The following CHD6 variants were observed in gnomAD, a reference collection of about 807,000 sequenced individuals.
CHD6 encodes the protein chromodomain helicase DNA binding protein 6.
In CHD6, 50 loss-of-function variants were observed where a neutral mutation model predicts 276.9. The ratio of observed to expected loss-of-function variants is 0.18; its 90% CI spans 0.14 to 0.23. CHD6 has a LOEUF of 0.23. Among genes scored for constraint, CHD6 ranks in the 10% least tolerant of loss-of-function variants. The probability of loss-of-function intolerance (pLI) is 1.00; values close to 1 mark genes in which losing one functional copy is unlikely to be tolerated. For synonymous variants in CHD6, 1,173 were observed against 1,229.3 expected (o/e 0.95, Z 0.96); for missense variants, 2,564 against 3,365.8 (o/e 0.76, Z 5.89).
At chr20:41,544,767 T>TATA (rs577527887) in intron 2 of CHD6, among the ~76,000 whole-genome samples, 2 of 151,040 alleles carry the variant, frequency 1.3e-5, no homozygotes, top group Non-Finnish European at 1.5e-5. Flanking sequence ...GATACTATAT[T>TATA]ATAATAATCA....
Position 41,421,762 on chromosome 20 carries a change from C to T in CHD6, c.4873G>A (p.Ala1625Thr), listed in dbSNP as rs745379442. The T allele has an allele frequency of 3.7e-6, 6 of 1,614,168 alleles. No individual in the cohort carries two copies. The African/African-American group carries it at 6.7e-5, about 18-fold the overall frequency. The change falls in exon 31 of 37, where the codon GCA becomes ACA. Residue 1625 changes from alanine (A) to threonine (T), a missense_variant. Physicochemically the swap from Ala to Thr is moderately conservative, Grantham distance 58. Transcript: ENST00000373233. ...YAQHKRSGTQAPGNLCCLYQT... is the reference protein window; with the variant it reads ...YAQHKRSGTQTPGNLCCLYQT... ...TAAAGGCAACAGAGATTTCCTGGTGCCTGGGTGCCAGATCTTTTATGCTGG... is the reference window on the plus strand; with the variant it reads ...TAAAGGCAACAGAGATTTCCTGGTGTCTGGGTGCCAGATCTTTTATGCTGG...
Position 41,457,418 on chromosome 20 carries a change from C to T in CHD6, c.2675G>A (p.Arg892Gln). 6.2e-7 allele frequency: 1 copy of T among 1,609,872 alleles called. No homozygotes were observed. Among genetic ancestry groups the T allele is most frequent in the Non-Finnish European group, 8.5e-7 (1 of 1,176,482 alleles). ...TTTGCTCTGGCCTATGCGGTGACATCGGGCCTGAGCCTGGGAAGAAGAAGA... is the reference window on the plus strand; with the variant it reads ...TTTGCTCTGGCCTATGCGGTGACATTGGGCCTGAGCCTGGGAAGAAGAAGA... ...NPQNDLQAQARCHRIGQSKAV... is the reference protein window; with the variant it reads ...NPQNDLQAQAQCHRIGQSKAV... The change falls in exon 18 of 37, where the codon CGA becomes CAA. Residue 892 changes from arginine (R) to glutamine (Q), a missense_variant. Arg to Gln is a conservative substitution (Grantham distance 43, BLOSUM62 1). This residue lies in a region of CHD6 where 457 missense variants were observed against 889.0 expected (regional missense o/e 0.51). Coordinates refer to ENST00000373233, the MANE Select transcript of CHD6 (RefSeq NM_032221.5).
chr20:41,428,162 A>C (rs1055639060), intron 27 of CHD6, among the ~76,000 whole-genome samples: 8 of 152,152 alleles, frequency 5.3e-5, no homozygotes, highest in Non-Finnish European at 1.0e-4. Context: ...TTTAGGCAAA[A>C]CTTTCAAGTA....
intron 26 of CHD6, among the ~76,000 whole-genome samples, chr20:41,438,634 G>A (rs770012734): frequency 5.3e-5 from 8 of 152,028 alleles, no homozygotes; most frequent in African/African-American, 1.4e-4. Flanking sequence ...AAATATTTGC[G>A]TCCCAAATAT....
chr20:41,452,040 A>G lies in CHD6; in HGVS notation c.3324-15T>C. On this transcript the variant is annotated splice_polypyrimidine_tract_variant and intron_variant, in intron 21 of 36. Transcript: ENST00000373233. This position sits in a 1 kb window ranked among gnomAD's most constrained non-coding sequence, Gnocchi z 4.2. ...ACCGGCCCCAGCTGACAGTGGACAT[A>G]CAGACAGGTGTTGGAGGGAGAATGG... 1.2e-6 allele frequency: 2 copies of G among 1,609,600 alleles called. No homozygotes were observed. The highest frequency in any genetic ancestry group is 1.7e-6 in the Non-Finnish European group (2 of 1,176,358).
intron 1 of CHD6, among the ~76,000 whole-genome samples, chr20:41,572,728 G>A (rs6102473): frequency 3.3e-5 from 5 of 151,914 alleles, no homozygotes; most frequent in Non-Finnish European, 7.4e-5. Context: ...GCCCAGGCAA[G>A]CAGGGAACTC....
At chr20:41,512,422 A>T (rs1281118143) in intron 5 of CHD6, among the ~76,000 whole-genome samples, 1 of 151,944 alleles carries the variant, frequency 6.6e-6, no homozygotes, top group African/African-American at 2.4e-5. Flanking sequence ...TTTAGATAAA[A>T]GATCAGGAAG....
chr20:41,532,388 C>A (rs887779266), intron 3 of CHD6, among the ~76,000 whole-genome samples: 2 of 152,200 alleles, frequency 1.3e-5, no homozygotes, highest in Non-Finnish European at 2.9e-5. Flanking sequence ...TCTGTGCATA[C>A]TGACGGCTCT....
chr20:41,470,449 G>A (rs1233101205), intron 17 of CHD6, among the ~76,000 whole-genome samples: 2 of 151,922 alleles, frequency 1.3e-5, no homozygotes, highest in Non-Finnish European at 2.9e-5. Context: ...CTCCCACCCT[G>A]CATCTTCCAC....
At chr20:41,603,986 G>C (rs1445658844) in intron 1 of CHD6, among the ~76,000 whole-genome samples, 1 of 149,854 alleles carries the variant, frequency 6.7e-6, no homozygotes, top group African/African-American at 2.5e-5. Flanking sequence ...ATTCCTGTGT[G>C]CATGTGTGCG....
intron 15 of CHD6, among the ~76,000 whole-genome samples, 165 bp from the exon 16 acceptor site, chr20:41,483,684 G>A (rs2043346677): frequency 6.6e-6 from 1 of 152,130 alleles, no homozygotes; most frequent in Non-Finnish European, 1.5e-5. Context: ...TTCAGCAGAG[G>A]GCTCTGCAGT....
chr20:41,562,111 AC>A (rs371030204), intron 1 of CHD6, among the ~76,000 whole-genome samples: 58 of 151,510 alleles, frequency 3.8e-4, no homozygotes, highest in Admixed American at 6.6e-4. Flanking sequence ...TTACAACAAA[AC>A]AAAAAAAAAA....
Position 41,447,869 on chromosome 20 carries a change from T to C in CHD6, c.3773+13A>G, listed in dbSNP as rs909882. 0.14 allele frequency: 221,573 copies of C among 1,581,976 alleles called. 16,973 individuals are homozygous for C. The highest frequency in any genetic ancestry group is 0.21 in the Admixed American group (12,427 of 57,892). On this transcript the variant is annotated intron_variant, in intron 24 of 36. Coordinates refer to ENST00000373233, the MANE Select transcript of CHD6 (RefSeq NM_032221.5). ...TTCTTTAACGTTGATATGTTAAGTT[T>C]CATTTGCTTTACCTGGCAGGAGATC...
At chr20:41,564,276 A>T (rs1429280238) in intron 1 of CHD6, 2 of 575,108 alleles carry the variant, frequency 3.5e-6, no homozygotes, top group Non-Finnish European at 3.1e-6. Flanking sequence ...CCAAAACAGC[A>T]TATAAGACAC....
chr20:41,405,331 A>G lies in CHD6; in HGVS notation c.7410T>C (p.Asn2470=). 2 of 1,614,240 alleles carry G rather than the reference A, an allele frequency of 1.2e-6. No individual in the cohort carries two copies. Among genetic ancestry groups the G allele is most frequent in the Non-Finnish European group, 1.7e-6 (2 of 1,180,044 alleles). The change falls in exon 37 of 37, where the codon AAT becomes AAC. Residue 2470 remains asparagine (N), a synonymous_variant. Transcript: ENST00000373233. ...CCAGGTCCATCCCAGCAATCAGTCC[A>G]TTCATGAACAGTGGCCCCATTCCAG... ...SPSGMGPLFM[N]GLIAGMDLVG...
intron 17 of CHD6, chr20:41,459,558 G>C (rs990973475): frequency 6.6e-6 from 1 of 152,382 alleles, no homozygotes; most frequent in African/African-American, 2.4e-5. Flanking sequence ...ACTGAATCAC[G>C]GGGGCCAGTC....
chr20:41,432,208 G>C (rs559372951), intron 27 of CHD6, among the ~76,000 whole-genome samples: 2 of 149,278 alleles, frequency 1.3e-5, no homozygotes, highest in South Asian at 2.1e-4. Context: ...GCTCTCTCTA[G>C]TTAAGGACTA....
At chr20:41,547,716 A>G (rs551706301) in intron 2 of CHD6, 40 of 611,998 alleles carry the variant, frequency 6.5e-5, no homozygotes, top group South Asian at 5.3e-4. Flanking sequence ...GAAAAACATT[A>G]AACACAGTGG....
chr20:41,440,876 G>A (rs999543857), intron 25 of CHD6, among the ~76,000 whole-genome samples: 2 of 152,250 alleles, frequency 1.3e-5, no homozygotes, highest in Admixed American at 6.5e-5. Context: ...AGAGCTGAGT[G>A]TAAATGAGAA....
Sources: gnomAD v4.1 joint callset for allele counts (sites outside exome capture counted in the v4.1 genomes callset) on GRCh38, gnomAD v4.1.1 for gene constraint, gnomAD v4.1.1 regional missense constraint, Gnocchi (gnomAD v3.1) non-coding constraint, MANE v1.5 for transcripts, NCBI Gene and HGNC (gene_info 2026-07-23, HGNC 2026-07-21) for gene names.